Variants in OCA2 observed in about 807,000 individuals in gnomAD.
The protein encoded by OCA2 is P protein.
In OCA2, 77 loss-of-function variants were observed where a neutral mutation model predicts 100.2. The observed-to-expected ratio is 0.77, with a 90% CI of 0.64 to 0.93. The LOEUF is 0.93. Among genes scored for constraint, OCA2 ranks in the 40% least tolerant of loss-of-function variants. The pLI is 0.00. For missense variants in OCA2, 1,062 were observed against 1,089.1 expected (o/e 0.98, Z 0.35); for synonymous variants, 432 against 439.2 (o/e 0.98, Z 0.21).
chr15:27,982,981 A>G (rs889201784), intron 14 of OCA2, among the ~76,000 whole-genome samples: 3 of 152,174 alleles, frequency 2.0e-5, no homozygotes, highest in African/African-American at 7.2e-5. Flanking sequence ...CTAATCCACC[A>G]CAGTTTGGGA....
chr15:27,900,595 G>A (rs2594900), intron 19 of OCA2, among the ~76,000 whole-genome samples: 25,139 of 152,162 alleles, frequency 0.17, 5,295 homozygotes, highest in African/African-American at 0.49. Context: ...ATCACAACAG[G>A]TGTCAGCATT....
intron 23 of OCA2, among the ~76,000 whole-genome samples, chr15:27,831,018 G>A (rs2034927709): frequency 6.6e-6 from 1 of 152,104 alleles, no homozygotes; most frequent in Non-Finnish European, 1.5e-5. Flanking sequence ...AAATGGGTCT[G>A]AGCTCACGCC....
chr15:28,099,043 C>A (rs545638289), intron 1 of OCA2, 181 bp downstream of exon 1: 56 of 154,688 alleles, frequency 3.6e-4, no homozygotes, highest in Non-Finnish European at 7.5e-4. Flanking sequence ...CAGGCCCAGG[C>A]GGACTCAGCC....
intron 14 of OCA2, among the ~76,000 whole-genome samples, chr15:27,974,706 T>G (rs1440903262): frequency 6.6e-6 from 1 of 152,178 alleles, no homozygotes; most frequent in African/African-American, 2.4e-5. Context: ...AGGCGGAGGT[T>G]GCAGTGAGCC....
intron 19 of OCA2, among the ~76,000 whole-genome samples, chr15:27,893,202 A>C (rs1268284404): frequency 6.6e-6 from 1 of 152,246 alleles, no homozygotes; most frequent in Non-Finnish European, 1.5e-5. Context: ...GACATTTATC[A>C]GTTCCTGAAT....
chr15:27,960,612 CTATCTATG>C (rs1192042322), intron 15 of OCA2, among the ~76,000 whole-genome samples: 4 of 152,054 alleles, frequency 2.6e-5, no homozygotes, highest in African/African-American at 4.8e-5. Flanking sequence ...ATCTATCTAT[CTATCTATG>C]TATCTATGTA....
At chr15:28,004,821 A>G (rs1322757629) in intron 9 of OCA2, among the ~76,000 whole-genome samples, 1 of 151,796 alleles carries the variant, frequency 6.6e-6, no homozygotes, top group Non-Finnish European at 1.5e-5. Context: ...AAACAGTAAT[A>G]CACATACTCA....
intron 23 of OCA2, among the ~76,000 whole-genome samples, chr15:27,814,945 TACAGAG>T (rs59959593): frequency 2.0e-4 from 22 of 107,424 alleles, no homozygotes; most frequent in South Asian, 1.3e-3. Flanking sequence ...GATAGATAGA[TACAGAG>T]ATATATATAT....
intron 2 of OCA2, among the ~76,000 whole-genome samples, chr15:28,060,290 G>C (rs1188834406): frequency 1.3e-5 from 2 of 152,224 alleles, no homozygotes; most frequent in Non-Finnish European, 2.9e-5. Context: ...GGCACTGCAG[G>C]CTGGGATGTG....
At chr15:27,940,385 G>C (rs2039606069) in intron 18 of OCA2, among the ~76,000 whole-genome samples, 1 of 152,180 alleles carries the variant, frequency 6.6e-6, no homozygotes, top group Non-Finnish European at 1.5e-5. Flanking sequence ...CCGGCCATTG[G>C]GCCATGAGCA....
At chr15:27,743,682 A>C in the OCA2 span, among the ~76,000 whole-genome samples, 1 of 152,162 alleles carries the variant, frequency 6.6e-6, no homozygotes, top group Non-Finnish European at 1.5e-5. Flanking sequence ...CCAGGAGCTC[A>C]CCATCATAGG....
At chr15:27,994,942 C>A (rs2041674375) in intron 9 of OCA2, among the ~76,000 whole-genome samples, 1 of 151,914 alleles carries the variant, frequency 6.6e-6, no homozygotes, top group Non-Finnish European at 1.5e-5. Flanking sequence ...GAAATGGTAA[C>A]CAAAAGACAG....
intron 2 of OCA2, among the ~76,000 whole-genome samples, chr15:28,044,370 C>A (rs2141493095): frequency 6.6e-6 from 1 of 152,282 alleles, no homozygotes; most frequent in Non-Finnish European, 1.5e-5. Flanking sequence ...TTCCTAAGCT[C>A]TTCTTCGAAA....
chr15:28,010,438 A>G (rs1351175324), intron 9 of OCA2, among the ~76,000 whole-genome samples: 3 of 152,244 alleles, frequency 2.0e-5, no homozygotes, highest in African/African-American at 7.2e-5. Context: ...TGCAAATGAC[A>G]TGATTGTCTA....
downstream of OCA2, among the ~76,000 whole-genome samples, chr15:27,754,168 G>A (rs1038879016): frequency 2.6e-5 from 4 of 152,090 alleles, no homozygotes; most frequent in African/African-American, 4.8e-5. Context: ...AATAAACTAC[G>A]GTTGCACGTC....
intron 19 of OCA2, among the ~76,000 whole-genome samples, chr15:27,881,723 T>A (rs188702630): frequency 6.6e-6 from 1 of 152,192 alleles, no homozygotes; most frequent in Non-Finnish European, 1.5e-5. Context: ...ATATCCTCTT[T>A]ATCATTTTTT....
intron 19 of OCA2, among the ~76,000 whole-genome samples, chr15:27,918,276 T>A (rs2038739154): frequency 6.6e-6 from 1 of 152,072 alleles, no homozygotes; most frequent in Non-Finnish European, 1.5e-5. Context: ...TTCACCATGT[T>A]GGCCAGGCTG....
At chr15:27,961,233 T>C (rs981474682) in intron 15 of OCA2, among the ~76,000 whole-genome samples, 3 of 151,990 alleles carry the variant, frequency 2.0e-5, no homozygotes, top group African/African-American at 7.3e-5. Flanking sequence ...GAAACGCAAA[T>C]CAAAACCACG....
intron 21 of OCA2, among the ~76,000 whole-genome samples, chr15:27,865,005 G>A (rs952654794): frequency 6.6e-6 from 1 of 151,432 alleles, no homozygotes; most frequent in Non-Finnish European, 1.5e-5. Context: ...TTGGTTAAAC[G>A]TCTCCATGCC....
Sources: gnomAD v4.1 joint callset for allele counts (sites outside exome capture counted in the v4.1 genomes callset) on GRCh38, gnomAD v4.1.1 for gene constraint, MANE v1.5 for transcripts, NCBI Gene and HGNC (gene_info 2026-07-23, HGNC 2026-07-21) for gene names.